YWHAZ: variants seen among roughly 807,000 people sequenced by gnomAD.
The protein encoded by YWHAZ is 14-3-3 protein zeta/delta.
For missense variants in YWHAZ, 79 were observed against 284.8 expected, an observed-to-expected ratio of 0.28 and a Z score of 5.20; for synonymous variants, 87 against 103.6, an observed-to-expected ratio of 0.84 and a Z score of 0.97.
In YWHAZ at chr8:100,951,734, G is replaced by A. The variant is rs528091900; in HGVS notation, c.-12+195C>T. Reference sequence around the variant, plus strand: ...TCGATGCGGAAGCAAGGAGCCGGAGGCGGCCGCTAGCCGCCCTCCCGAGCC... The same window carrying A: ...TCGATGCGGAAGCAAGGAGCCGGAGACGGCCGCTAGCCGCCCTCCCGAGCC... On this transcript the variant is annotated intron_variant, in intron 1 of 5. Transcript: ENST00000395958. 4.1e-5 allele frequency: 40 copies of A among 985,440 alleles called. No homozygotes were observed. The East Asian group carries it at 4.2e-3, about 104-fold the overall frequency. 61.0% of individuals were successfully genotyped at this position (985,440 alleles called of 1,614,324 possible).
At chr8:100,925,178 G>T in intron 2 of YWHAZ, 139 bp from the exon 3 acceptor site, 1 of 884,796 alleles carries the variant, frequency 1.1e-6, no homozygotes, top group Non-Finnish European at 1.7e-6. Context: ...TGTGAATGCA[G>T]CTGGCACATG....
chr8:100,925,943 C>T (rs779826093), intron 2 of YWHAZ, among the ~76,000 whole-genome samples: 10 of 151,704 alleles, frequency 6.6e-5, no homozygotes, highest in Admixed American at 1.3e-4. Context: ...GCAAAAAAAC[C>T]CCAACCACCC....
rs888412217 is a variant in YWHAZ, at chr8:100,939,659, C to CA, written c.294+8936dup. Among the ~76,000 whole-genome samples the CA allele has an allele frequency of 4.7e-5, 7 of 148,940 alleles. No homozygotes were observed. The East Asian group carries it at 1.2e-3, about 26-fold the overall frequency. On this transcript the variant is annotated intron_variant, in intron 2 of 5. Coordinates refer to ENST00000395958, the MANE Select transcript of YWHAZ (RefSeq NM_145690.3). The stretch of plus-strand genomic sequence containing the variant: ...GGGCAACAAGAGTGAAACTCCATCT[C>CA]AAAAAAAATAAAAATAAAAAAAGGA...
chr8:100,952,051 G>T (rs1563696049), upstream of YWHAZ: 1 of 989,288 alleles, frequency 1.0e-6, no homozygotes, highest in Non-Finnish European at 1.2e-6. Context: ...GGCTACAGCC[G>T]CTCCGCAGAC....
chr8:100,951,558 T>TGGGGATGGATC, intron 1 of YWHAZ: 1 of 983,482 alleles, frequency 1.0e-6, no homozygotes, highest in Non-Finnish European at 1.2e-6. Context: ...GAGACAAGGG[T>TGGGGATGGATC]GGGGATGGAT....
intron 1 of YWHAZ, chr8:100,950,384 A>G: frequency 1.0e-6 from 1 of 985,480 alleles, no homozygotes; most frequent in Non-Finnish European, 1.2e-6. Flanking sequence ...GGCAGGACTC[A>G]CCGCACCCAT....
At chr8:100,928,017 C>T (rs920436791) in intron 2 of YWHAZ, among the ~76,000 whole-genome samples, 29 of 152,182 alleles carry the variant, frequency 1.9e-4, no homozygotes, top group African/African-American at 6.5e-4. Flanking sequence ...TGGTGGCTCA[C>T]GCCTGTAATC....
rs189559478 is a variant in YWHAZ at position 100,928,172 on chromosome 8, C to A, written c.295-3133G>T. Among the ~76,000 whole-genome samples, 404 of 151,750 alleles carry A rather than the reference C, an allele frequency of 2.7e-3. 1 individual carries two copies. The highest frequency in any genetic ancestry group is 8.9e-3 in the African/African-American group (367 of 41,372). ...GCGGGCGCCTGTAGTCCCAGCTACT[C>A]GGGAGACTGAGGCAGGAGAACAGTG... On this transcript the variant is annotated intron_variant, in intron 2 of 5. Coordinates refer to ENST00000395958, the MANE Select transcript of YWHAZ (RefSeq NM_145690.3).
intron 2 of YWHAZ, among the ~76,000 whole-genome samples, chr8:100,934,064 C>A (rs1348898269): frequency 7.1e-6 from 1 of 141,030 alleles, no homozygotes; most frequent in Non-Finnish European, 1.5e-5. Flanking sequence ...AGGCTTGAGG[C>A]AGGAGACTCA....
At chr8:100,944,430 C>T (rs967880530) in intron 2 of YWHAZ, among the ~76,000 whole-genome samples, 1 of 152,134 alleles carries the variant, frequency 6.6e-6, no homozygotes, top group African/African-American at 2.4e-5. Context: ...GTCAAATTAA[C>T]AGAATCACTA....
At chr8:100,943,569 T>G (rs1326826166) in intron 2 of YWHAZ, among the ~76,000 whole-genome samples, 1 of 152,226 alleles carries the variant, frequency 6.6e-6, no homozygotes, top group East Asian at 1.9e-4. Flanking sequence ...CCTCTACACC[T>G]TTCCATTCCC....
chr8:100,936,844 G>A (rs893782696), intron 2 of YWHAZ, among the ~76,000 whole-genome samples: 1 of 151,900 alleles, frequency 6.6e-6, no homozygotes, highest in African/African-American at 2.4e-5. Flanking sequence ...CAGACAAATC[G>A]AAACTGAGAG....
Position 100,949,044 on chromosome 8 carries a change from C to CT in YWHAZ, c.-11-145dup, listed in dbSNP as rs1239365679. The CT allele has an allele frequency of 6.7e-6, 7 of 1,038,944 alleles. No homozygotes were observed. In the African/African-American group the frequency reaches 1.1e-4, roughly 17 times the overall value. The allele number at this position is 1,038,944 out of a possible 1,614,324, so 64.4% of individuals were successfully genotyped here. A position where few individuals can be genotyped will look rare whatever the true frequency, so the allele number is the denominator to read the frequency against. On this transcript the variant is annotated intron_variant, in intron 1 of 5. Transcript: ENST00000395958. ...TTCACATGAGGAATTAAAATGCAGC[C>CT]TCACAAAAGGATAGTCAAAAAAGGG... is the stretch of plus-strand genomic sequence containing the variant.
chr8:100,953,127 G>A (rs1222671744), upstream of YWHAZ: 2 of 986,752 alleles, frequency 2.0e-6, no homozygotes, highest in Non-Finnish European at 2.4e-6. Context: ...CTCGGGCGGA[G>A]GGCTGGAGCT....
At chr8:100,943,858 G>A (rs1187963290) in intron 2 of YWHAZ, among the ~76,000 whole-genome samples, 1 of 151,966 alleles carries the variant, frequency 6.6e-6, no homozygotes, top group Admixed American at 6.6e-5. Flanking sequence ...GTGGTGGCGG[G>A]CACCTGTAGT....
chr8:100,925,076 A>G, intron 2 of YWHAZ, 37 bp from the exon 3 acceptor site: 1 of 1,571,314 alleles, frequency 6.4e-7, no homozygotes, highest in Non-Finnish European at 8.6e-7. Flanking sequence ...TGAGAATAAA[A>G]CATTTACAAA....
chr8:100,928,836 T>C (rs1813558769), intron 2 of YWHAZ, among the ~76,000 whole-genome samples: 1 of 151,166 alleles, frequency 6.6e-6, no homozygotes, highest in Admixed American at 6.6e-5. Flanking sequence ...TTATGGCGAG[T>C]ATACTAGAAA....
chr8:100,920,874 G>A (rs1812976444), intron 5 of YWHAZ, 122 bp from the exon 6 acceptor site: 2 of 801,756 alleles, frequency 2.5e-6, no homozygotes, highest in Non-Finnish European at 4.2e-6. Context: ...AAAGATAGCA[G>A]CATCACTTAG....
intron 2 of YWHAZ, among the ~76,000 whole-genome samples, chr8:100,946,802 G>C (rs376977468): frequency 1.3e-5 from 2 of 148,802 alleles, no homozygotes; most frequent in African/African-American, 5.0e-5. Flanking sequence ...AAAACTTTTC[G>C]ATCAGGTGTA....
Sources: gnomAD v4.1 joint callset for allele counts (sites outside exome capture counted in the v4.1 genomes callset) on GRCh38, gnomAD v4.1.1 for gene constraint, MANE v1.5 for transcripts, NCBI Gene and HGNC (gene_info 2026-07-23, HGNC 2026-07-21) for gene names.